Variants in ARHGAP18 observed in about 807,000 individuals in gnomAD.
ARHGAP18 encodes rho GTPase-activating protein 18.
In ARHGAP18, 67 loss-of-function variants were observed where a neutral mutation model predicts 86.2. That is an observed-to-expected ratio of 0.78 (90% CI 0.64 to 0.95). The LOEUF (loss-of-function observed/expected upper bound fraction) is 0.95, where lower values mean the gene tolerates loss of function less well. Ranked by LOEUF, ARHGAP18 falls within the 40% of genes least tolerant of loss-of-function variation. The pLI is 0.00. For synonymous variants in ARHGAP18, 283 were observed against 280.4 expected (o/e 1.01, Z -0.09); for missense variants, 691 against 780.4 (o/e 0.89, Z 1.37).
chr6:129,626,213 G>C (rs1434637650), intron 5 of ARHGAP18, among the ~76,000 whole-genome samples: 1 of 150,128 alleles, frequency 6.7e-6, no homozygotes. Context: ...CTAATAAAAA[G>C]AAGTGAGAAA....
intron 1 of ARHGAP18, among the ~76,000 whole-genome samples, chr6:129,705,559 T>G (rs1276054217): frequency 6.6e-6 from 1 of 152,202 alleles, no homozygotes; most frequent in Non-Finnish European, 1.5e-5. Context: ...ACTTTTACAT[T>G]ATGGTTCATT....
chr6:129,655,317 C>CAAAAAAAAAAAAAAAAAAAAAAAAAA (rs55681217), intron 1 of ARHGAP18, among the ~76,000 whole-genome samples: 3 of 75,078 alleles, frequency 4.0e-5, no homozygotes, highest in Non-Finnish European at 5.3e-5. Flanking sequence ...AAAACTCTCT[C>CAAAAAAAAAAAAAAAAAAAAAAAAAA]AAAAAAAAAA....
At chr6:129,602,191 C>T (rs1788761180) in intron 10 of ARHGAP18, among the ~76,000 whole-genome samples, 1 of 152,040 alleles carries the variant, frequency 6.6e-6, no homozygotes, top group Non-Finnish European at 1.5e-5. Flanking sequence ...ATGAATGAGG[C>T]AGTTTATGAA....
At chr6:129,672,113 C>T (rs1202512566) in intron 1 of ARHGAP18, among the ~76,000 whole-genome samples, 1 of 152,022 alleles carries the variant, frequency 6.6e-6, no homozygotes, top group Non-Finnish European at 1.5e-5. Flanking sequence ...ACACACGCTT[C>T]CTCTCCCCTT....
intron 13 of ARHGAP18, among the ~76,000 whole-genome samples, chr6:129,581,433 G>C (rs1027352567): frequency 6.6e-6 from 1 of 151,608 alleles, no homozygotes; most frequent in Non-Finnish European, 1.5e-5. Context: ...TTTTAATCTA[G>C]TACATAACAC....
intron 1 of ARHGAP18, among the ~76,000 whole-genome samples, chr6:129,688,502 C>T (rs1318217075): frequency 2.0e-5 from 3 of 152,144 alleles, no homozygotes; most frequent in Admixed American, 6.5e-5. Flanking sequence ...TTAAAAAACA[C>T]GTCTTATCAG....
intron 1 of ARHGAP18, among the ~76,000 whole-genome samples, chr6:129,676,971 C>G (rs1360494606): frequency 7.3e-5 from 9 of 122,698 alleles, no homozygotes; most frequent in African/African-American, 2.9e-4. Flanking sequence ...TAGAGGATTC[C>G]GGGACAGTAA....
intron 12 of ARHGAP18, 102 bp from the exon 13 acceptor site, chr6:129,584,214 C>T (rs1012123190): frequency 6.8e-7 from 1 of 1,463,350 alleles, no homozygotes; most frequent in Non-Finnish European, 9.1e-7. Flanking sequence ...ACGCATTTTA[C>T]TTCACTACAT....
chr6:129,598,565 G>A (rs1436895639), intron 12 of ARHGAP18, among the ~76,000 whole-genome samples: 1 of 152,104 alleles, frequency 6.6e-6, no homozygotes, highest in African/African-American at 2.4e-5. Flanking sequence ...CTTCATAAAT[G>A]TATATCCATG....
At chr6:129,707,750 A>C (rs1210980687) in intron 1 of ARHGAP18, among the ~76,000 whole-genome samples, 2 of 147,610 alleles carry the variant, frequency 1.4e-5, no homozygotes, top group Non-Finnish European at 3.0e-5. Flanking sequence ...CAATCCACCC[A>C]CCTCAGCTTC....
At chr6:129,691,534 C>A (rs567405370) in intron 1 of ARHGAP18, among the ~76,000 whole-genome samples, 2 of 152,292 alleles carry the variant, frequency 1.3e-5, no homozygotes, top group African/African-American at 2.4e-5. Context: ...GTGGCTCTCT[C>A]TAAGCGTTAA....
intron 1 of ARHGAP18, among the ~76,000 whole-genome samples, chr6:129,688,792 C>T (rs1461027133): frequency 4.8e-5 from 7 of 146,036 alleles, no homozygotes; most frequent in Non-Finnish European, 9.1e-5. Context: ...AACTCCAAGT[C>T]AAAAAAAAAA....
At chr6:129,635,998 T>C (rs1252752019) in intron 3 of ARHGAP18, among the ~76,000 whole-genome samples, 1 of 152,210 alleles carries the variant, frequency 6.6e-6, no homozygotes, top group Non-Finnish European at 1.5e-5. Context: ...TCCCACAATT[T>C]ATATTTTGCT....
Position 129,688,965 on chromosome 6 carries a change from C to T in ARHGAP18, c.113+21059G>A, listed in dbSNP as rs544414962. Among the ~76,000 whole-genome samples, 124 of 152,224 alleles carry T rather than the reference C, an allele frequency of 8.1e-4. 3 individuals are homozygous for T. In the South Asian group the frequency reaches 0.025, roughly 30 times the overall value. The stretch of plus-strand genomic sequence containing the variant: ...AAAACTTCTATTTTCTTCCTGTCTC[C>T]TTGAGAATCTCAATGTCACAGAGCC... On this transcript the variant is annotated intron_variant, in intron 1 of 14. Transcript: ENST00000368149.
intron 1 of ARHGAP18, among the ~76,000 whole-genome samples, chr6:129,685,633 G>C (rs1774410629): frequency 6.6e-6 from 1 of 152,146 alleles, no homozygotes; most frequent in Non-Finnish European, 1.5e-5. Context: ...ATTAAAAAGA[G>C]ATGTCAAAAA....
At chr6:129,649,055 C>G (rs1471209688) in intron 1 of ARHGAP18, among the ~76,000 whole-genome samples, 2 of 152,076 alleles carry the variant, frequency 1.3e-5, no homozygotes, top group African/African-American at 4.8e-5. Context: ...AAAGCAATAC[C>G]ACATCACTCG....
intron 11 of ARHGAP18, among the ~76,000 whole-genome samples, chr6:129,600,040 C>T (rs1000010026): frequency 2.0e-5 from 3 of 152,018 alleles, no homozygotes; most frequent in Non-Finnish European, 4.4e-5. Context: ...AATATCATCA[C>T]TCTGTCTTTT....
chr6:129,620,023 A>G (rs1277333218), intron 5 of ARHGAP18, among the ~76,000 whole-genome samples: 1 of 152,124 alleles, frequency 6.6e-6, no homozygotes, highest in African/African-American at 2.4e-5. Context: ...TGTGAGATTT[A>G]GTGCCCAGCA....
chr6:129,621,058 G>T (rs908521317), intron 5 of ARHGAP18, among the ~76,000 whole-genome samples: 6 of 152,162 alleles, frequency 3.9e-5, no homozygotes, highest in Non-Finnish European at 8.8e-5. Flanking sequence ...TTGAGAAAAA[G>T]ATATTTATGT....
Sources: allele counts gnomAD v4.1 joint callset (sites outside exome capture counted in the v4.1 genomes callset), GRCh38; gene constraint gnomAD v4.1.1; transcripts MANE v1.5; gene names NCBI Gene and HGNC (gene_info 2026-07-23, HGNC 2026-07-21).